The following ZNF723 variants were observed in gnomAD, a reference collection of about 807,000 sequenced individuals.
ZNF723 encodes the protein zinc finger protein 723, pseudogene.
In ZNF723, 5 loss-of-function variants were observed where a neutral mutation model predicts 9.4. The ratio of observed to expected loss-of-function variants is 0.53; its 90% confidence interval spans 0.28 to 1.12. The LOEUF (loss-of-function observed/expected upper bound fraction) is 1.12, where lower values mean the gene tolerates loss of function less well. Ranked by LOEUF, ZNF723 falls within the 50% of genes most tolerant of loss-of-function variation. The pLI is 0.10. For missense variants in ZNF723, 450 were observed against 501.5 expected (o/e 0.90, Z 0.98); for synonymous variants, 158 against 168.8 (o/e 0.94, Z 0.49).
rs1967345656 is a variant in ZNF723, at chr19:22,848,481, A to C, written c.130+94A>C. 8 of 978,146 alleles carry C rather than the reference A, an allele frequency of 8.2e-6. No homozygotes were observed. The South Asian group carries it at 1.4e-4, about 17-fold the overall frequency. 60.6% of individuals were successfully genotyped at this position (978,146 alleles called of 1,614,324 possible). ...TTTTTGGTAATTGATGCTTTGCATA[A>C]ATGAGTTTCACATCACTGTTTTGAA... On this transcript the variant is annotated intron_variant, in intron 2 of 3. Coordinates refer to ENST00000600766, the MANE Select transcript of ZNF723 (RefSeq NM_001349726.2).
intron 3 of ZNF723, among the ~76,000 whole-genome samples, chr19:22,851,245 C>T (rs753339512): frequency 6.6e-6 from 1 of 151,906 alleles, no homozygotes; most frequent in South Asian, 2.1e-4. Context: ...GATCTTGGCT[C>T]ACTGCAACCA....
At position 22,858,209 on chromosome 19, in the gene ZNF723, C is replaced by G. The variant is rs1967511117; in HGVS notation, c.1318C>G (p.Leu440Val). ...TAAAGGTTTTAGCCAATCCTCAACC[C>G]TTACTAAACATAAGATAATTCATAC... ...CGKGFSQSST[L>V]TKHKIIHTKE... The change falls in exon 4 of 4, where the codon CTT becomes GTT. Residue 440 changes from leucine to valine, a missense_variant. Physicochemically the swap from Leu to Val is conservative, Grantham distance 32. Transcript: ENST00000600766. 7.3e-7 allele frequency: 1 copy of G among 1,373,110 alleles called. No individual in the cohort carries two copies. The highest frequency in any genetic ancestry group is 1.2e-5 in the South Asian group (1 of 85,798). The allele number at this position is 1,373,110 out of a possible 1,614,324, so 85.1% of individuals were successfully genotyped here. A position where few individuals can be genotyped will look rare whatever the true frequency, so the allele number is the denominator to read the frequency against.
the ZNF723 span, among the ~76,000 whole-genome samples, chr19:22,827,217 G>A: frequency 6.6e-6 from 1 of 151,602 alleles, no homozygotes; most frequent in Admixed American, 6.6e-5. Context: ...ATTACTTACT[G>A]GATAAACAGA....
At chr19:22,845,146 C>T (rs1967292482) in intron 1 of ZNF723, among the ~76,000 whole-genome samples, 1 of 151,890 alleles carries the variant, frequency 6.6e-6, no homozygotes, top group South Asian at 2.1e-4. Context: ...ACTCATGTAC[C>T]CTTTGAAAAC....
intron 1 of ZNF723, among the ~76,000 whole-genome samples, chr19:22,838,697 T>C (rs955663775): frequency 6.6e-6 from 1 of 151,972 alleles, no homozygotes; most frequent in Non-Finnish European, 1.5e-5. Context: ...GATATTTATA[T>C]ACTATATTTT....
At chr19:22,818,210 G>A in the ZNF723 span, among the ~76,000 whole-genome samples, 2 of 151,876 alleles carry the variant, frequency 1.3e-5, no homozygotes, top group Non-Finnish European at 2.9e-5. Flanking sequence ...CCACTCTTAG[G>A]TATATCATAT....
At chr19:22,842,766 C>T (rs1266212877) in intron 1 of ZNF723, among the ~76,000 whole-genome samples, 1 of 152,110 alleles carries the variant, frequency 6.6e-6, no homozygotes, top group Non-Finnish European at 1.5e-5. Context: ...CCAGGTTGAT[C>T]CCACCTAGAA....
chr19:22,824,348 C>T, the ZNF723 span, among the ~76,000 whole-genome samples: 4 of 151,974 alleles, frequency 2.6e-5, no homozygotes, highest in Admixed American at 6.6e-5. Context: ...CTTTCTTGAT[C>T]CTGCTCATAG....
intron 1 of ZNF723, among the ~76,000 whole-genome samples, chr19:22,844,989 GGCGCCTGTAGTCCCA>G (rs1365493405): frequency 2.0e-5 from 3 of 152,126 alleles, no homozygotes; most frequent in Non-Finnish European, 4.4e-5. Flanking sequence ...CATGGTGGCA[GGCGCCTGTAGTCCCA>G]GCTACTTGGG....
the ZNF723 span, among the ~76,000 whole-genome samples, chr19:22,816,015 G>A: frequency 6.6e-6 from 1 of 152,282 alleles, no homozygotes; most frequent in East Asian, 1.9e-4. Flanking sequence ...AATTCTGGCA[G>A]GTTAAATCTC....
chr19:22,812,942 A>G, the ZNF723 span, among the ~76,000 whole-genome samples: 2 of 142,156 alleles, frequency 1.4e-5, no homozygotes, highest in South Asian at 2.3e-4. Flanking sequence ...CTCAACATAT[A>G]GAAGGTGTTT....
upstream of ZNF723, among the ~76,000 whole-genome samples, chr19:22,831,919 AT>A (rs1783519373): frequency 1.3e-5 from 2 of 151,602 alleles, no homozygotes; most frequent in African/African-American, 2.4e-5. Flanking sequence ...AAAAAAAAAA[AT>A]AATAAATAAA....
intron 1 of ZNF723, among the ~76,000 whole-genome samples, chr19:22,844,798 A>C (rs1168284966): frequency 6.6e-6 from 1 of 152,196 alleles, no homozygotes; most frequent in East Asian, 1.9e-4. Flanking sequence ...CAGGGGGAGC[A>C]TCATCAGCAT....
At chr19:22,816,502 C>T in the ZNF723 span, among the ~76,000 whole-genome samples, 3 of 152,166 alleles carry the variant, frequency 2.0e-5, no homozygotes, top group Non-Finnish European at 4.4e-5. Context: ...ACCCAACATA[C>T]AGGAGGTGGC....
chr19:22,825,566 T>A, the ZNF723 span, among the ~76,000 whole-genome samples: 1 of 152,196 alleles, frequency 6.6e-6, no homozygotes, highest in Non-Finnish European at 1.5e-5. Context: ...GATTTTGACA[T>A]ATTGCTGGGC....
At chr19:22,850,520 TG>T (rs1246776016) in intron 3 of ZNF723, among the ~76,000 whole-genome samples, 1 of 150,456 alleles carries the variant, frequency 6.6e-6, no homozygotes, top group Non-Finnish European at 1.5e-5. Flanking sequence ...TTTACTGAGA[TG>T]GAGTTTTGCA....
At chr19:22,820,347 C>A in the ZNF723 span, among the ~76,000 whole-genome samples, 1 of 152,194 alleles carries the variant, frequency 6.6e-6, no homozygotes, top group African/African-American at 2.4e-5. Context: ...CTGGACTCAG[C>A]ACCCAAGTGA....
chr19:22,856,712 G>C (rs1967485154), intron 3 of ZNF723, among the ~76,000 whole-genome samples: 1 of 152,148 alleles, frequency 6.6e-6, no homozygotes. Flanking sequence ...ATTGGAAACA[G>C]AAACCAAGTG....
chr19:22,848,003 G>A (rs2145222422), intron 1 of ZNF723, among the ~76,000 whole-genome samples: 1 of 151,810 alleles, frequency 6.6e-6, no homozygotes, highest in East Asian at 1.9e-4. Context: ...TTGGGAGACT[G>A]AGGCAAGAGA....
Sources: gnomAD v4.1 joint callset for allele counts (sites outside exome capture counted in the v4.1 genomes callset) on GRCh38, gnomAD v4.1.1 for gene constraint, MANE v1.5 for transcripts, NCBI Gene and HGNC (gene_info 2026-07-23, HGNC 2026-07-21) for gene names.